Variants in NKAIN3 observed in about 807,000 individuals in gnomAD.
NKAIN3 encodes sodium/potassium-transporting ATPase subunit beta-1-interacting protein 3.
A neutral mutation model predicts 30.2 loss-of-function variants in NKAIN3; 25 were observed. That is an observed-to-expected ratio of 0.83 (90% CI 0.60 to 1.16). The LOEUF is 1.16. Ranked by LOEUF, NKAIN3 falls within the 50% of genes most tolerant of loss-of-function variation. NKAIN3 has a pLI of 0.00. For missense variants in NKAIN3, 225 were observed against 254.1 expected (o/e 0.89, Z 0.78); for synonymous variants, 91 against 89.6 (o/e 1.02, Z -0.09).
chr8:62,766,164 A>C (rs865895568), intron 4 of NKAIN3, among the ~76,000 whole-genome samples: 1 of 152,326 alleles, frequency 6.6e-6, no homozygotes, highest in East Asian at 1.9e-4. Flanking sequence ...TATTAGAATA[A>C]CACAGAGGAA....
intron 1 of NKAIN3, among the ~76,000 whole-genome samples, chr8:62,536,011 A>AAT (rs1378327683): frequency 4.6e-5 from 7 of 152,140 alleles, no homozygotes; most frequent in African/African-American, 1.4e-4. Context: ...GATGAACACC[A>AAT]ATATATATCC....
intron 4 of NKAIN3, among the ~76,000 whole-genome samples, chr8:62,849,793 T>G (rs1819824733): frequency 6.6e-6 from 1 of 152,088 alleles, no homozygotes; most frequent in South Asian, 2.1e-4. Flanking sequence ...CTCGTCATTT[T>G]TTATGGCTGC....
At chr8:62,345,532 C>CACACATATATACACATATATGTATATAT (rs1563942877) in intron 1 of NKAIN3, among the ~76,000 whole-genome samples, 1,633 of 101,510 alleles carry the variant, frequency 0.016, 95 homozygotes, top group African/African-American at 0.023. Context: ...TGTATATATA[C>CACACATATATACACATATATGTATATAT]ACACATATAT....
intron 5 of NKAIN3, among the ~76,000 whole-genome samples, chr8:62,932,473 CAT>C (rs1406405238): frequency 6.6e-6 from 1 of 152,186 alleles, no homozygotes; most frequent in African/African-American, 2.4e-5. Context: ...AGTATGGTCT[CAT>C]GTGCAAAATA....
At chr8:62,548,472 G>C (rs1286673741) in intron 1 of NKAIN3, among the ~76,000 whole-genome samples, 4 of 152,080 alleles carry the variant, frequency 2.6e-5, no homozygotes. Context: ...CCCCTGTGTC[G>C]GGGGTCATTA....
intron 5 of NKAIN3, chr8:62,990,096 C>A: frequency 2.6e-6 from 2 of 759,714 alleles, no homozygotes; most frequent in Middle Eastern, 3.6e-4. Context: ...TTTGATTCAG[C>A]AAATCATTTC....
intron 1 of NKAIN3, among the ~76,000 whole-genome samples, chr8:62,480,500 T>A (rs1041603943): frequency 2.0e-5 from 3 of 147,946 alleles, no homozygotes; most frequent in Non-Finnish European, 4.4e-5. Flanking sequence ...AGTAACTAAC[T>A]TGGCTAGTTA....
intron 3 of NKAIN3, among the ~76,000 whole-genome samples, chr8:62,662,377 T>A (rs1281846598): frequency 8.5e-5 from 13 of 152,244 alleles, no homozygotes. Flanking sequence ...AGGGTCACAG[T>A]GTCTTTCTAG....
chr8:62,858,791 C>A (rs1297946160), intron 4 of NKAIN3, among the ~76,000 whole-genome samples: 2 of 152,326 alleles, frequency 1.3e-5, no homozygotes, highest in Non-Finnish European at 2.9e-5. Flanking sequence ...CAGGCAGGCA[C>A]CCTTTTACTG....
intron 4 of NKAIN3, among the ~76,000 whole-genome samples, chr8:62,902,619 T>A (rs1421887974): frequency 1.3e-5 from 2 of 152,210 alleles, no homozygotes; most frequent in African/African-American, 4.8e-5. Flanking sequence ...CAAAATATAC[T>A]CGTAGTCATG....
At chr8:62,331,358 T>C (rs908982050) in intron 1 of NKAIN3, among the ~76,000 whole-genome samples, 3 of 152,030 alleles carry the variant, frequency 2.0e-5, no homozygotes, top group African/African-American at 7.2e-5. Context: ...ACCTGATGCC[T>C]ATCTCCCCTA....
intron 3 of NKAIN3, among the ~76,000 whole-genome samples, chr8:62,734,443 A>G (rs1815583389): frequency 1.3e-5 from 2 of 152,162 alleles, no homozygotes; most frequent in African/African-American, 4.8e-5. Context: ...TATTAGAACT[A>G]TTTAGTCTTA....
At chr8:62,762,996 G>T (rs568704700) in intron 4 of NKAIN3, among the ~76,000 whole-genome samples, 1 of 151,906 alleles carries the variant, frequency 6.6e-6, no homozygotes, top group Non-Finnish European at 1.5e-5. Context: ...GCCAAGGCAG[G>T]CAGATCACGA....
At chr8:62,712,772 A>G (rs1405003200) in intron 3 of NKAIN3, among the ~76,000 whole-genome samples, 1 of 152,008 alleles carries the variant, frequency 6.6e-6, no homozygotes, top group Non-Finnish European at 1.5e-5. Flanking sequence ...AATTATTACA[A>G]AGCTCAACTA....
chr8:62,545,010 C>T (rs759696861), intron 1 of NKAIN3, among the ~76,000 whole-genome samples: 1 of 152,122 alleles, frequency 6.6e-6, no homozygotes, highest in Non-Finnish European at 1.5e-5. Context: ...TAAAGTTCTT[C>T]AGCCTCATAG....
intron 3 of NKAIN3, among the ~76,000 whole-genome samples, chr8:62,639,381 G>A (rs28639415): frequency 0.02 from 3,076 of 152,214 alleles, 87 homozygotes; most frequent in African/African-American, 0.069. Flanking sequence ...TGAAACCCAT[G>A]TGGCTAGAGA....
intron 1 of NKAIN3, among the ~76,000 whole-genome samples, chr8:62,555,607 C>T (rs1809362933): frequency 6.6e-6 from 1 of 151,632 alleles, no homozygotes; most frequent in Middle Eastern, 3.2e-3. Context: ...CTGTTACTTA[C>T]TGGAGGTTTA....
chr8:62,573,154 A>T (rs191108951), intron 1 of NKAIN3, among the ~76,000 whole-genome samples: 1 of 152,302 alleles, frequency 6.6e-6, no homozygotes, highest in East Asian at 1.9e-4. Flanking sequence ...GACACATAAC[A>T]TTCAGCCCAT....
intron 1 of NKAIN3, among the ~76,000 whole-genome samples, chr8:62,260,048 C>G (rs1393525259): frequency 6.6e-6 from 1 of 152,044 alleles, no homozygotes; most frequent in Non-Finnish European, 1.5e-5. Flanking sequence ...TTAGAATGCT[C>G]TGTTCCTTTA....
Sources: gnomAD v4.1 joint callset for allele counts (sites outside exome capture counted in the v4.1 genomes callset) on GRCh38, gnomAD v4.1.1 for gene constraint, MANE v1.5 for transcripts, NCBI Gene and HGNC (gene_info 2026-07-23, HGNC 2026-07-21) for gene names.